Variants in ABR observed in about 807,000 individuals in gnomAD.
The protein encoded by ABR is ABR activator of RhoGEF and GTPase.
Under a neutral mutation model 107.2 loss-of-function variants are expected in ABR, and 35 were observed. The ratio of observed to expected loss-of-function variants is 0.33; its 90% CI spans 0.25 to 0.43. The LOEUF is 0.43. ABR is among the 20% of genes least tolerant of loss of function. The pLI, the probability that ABR is intolerant of heterozygous loss-of-function variation, is 1.00. For missense variants in ABR, 815 were observed against 1,115.2 expected (o/e 0.73, Z 3.83); for synonymous variants, 498 against 462.0 (o/e 1.08, Z -1.00).
At chr17:1,030,826 T>G (rs751739704) in intron 16 of ABR, among the ~76,000 whole-genome samples, 4 of 152,232 alleles carry the variant, frequency 2.6e-5, no homozygotes, top group Non-Finnish European at 5.9e-5. Flanking sequence ...GGACTGGCAC[T>G]CTGAGACAGC....
chr17:1,012,441 G>A lies in ABR; in HGVS notation c.1961+247C>T, dbSNP rs746159794. 12 of 689,388 alleles carry A rather than the reference G, an allele frequency of 1.7e-5. 1 individual carries two copies. The highest frequency in any genetic ancestry group is 8.3e-5 in the East Asian group (3 of 36,194). 42.7% of individuals were successfully genotyped at this position (689,388 alleles called of 1,614,324 possible). A position where few individuals can be genotyped will look rare whatever the true frequency, so the allele number is the denominator to read the frequency against. On this transcript the variant is annotated intron_variant, in intron 18 of 22. Coordinates refer to ENST00000302538, the MANE Select transcript of ABR (RefSeq NM_021962.5). ...GCTGACAGAGCTTCCCGCTTGTTAC[G>A]AGGAGCAGACGATCTGGGATCTCAC...
chr17:1,225,140 C>G (rs1598155894), intron 1 of ABR, among the ~76,000 whole-genome samples: 1 of 131,770 alleles, frequency 7.6e-6, no homozygotes, highest in Non-Finnish European at 1.6e-5. Context: ...CACCGTGAGA[C>G]TCCATCTCAA....
intron 1 of ABR, among the ~76,000 whole-genome samples, chr17:1,134,780 C>A (rs2151479518): frequency 6.6e-6 from 1 of 152,324 alleles, no homozygotes; most frequent in East Asian, 1.9e-4. Context: ...AGAGCAGGGA[C>A]CCTGCGGTCC....
chr17:1,144,077 T>G (rs923164125), intron 1 of ABR, among the ~76,000 whole-genome samples: 3 of 152,060 alleles, frequency 2.0e-5, no homozygotes, highest in Non-Finnish European at 2.9e-5. Flanking sequence ...AGCCACAGAT[T>G]AAAGCTACTC....
At chr17:1,172,950 A>ACCC (rs74213812) in intron 1 of ABR, among the ~76,000 whole-genome samples, 38 of 124,836 alleles carry the variant, frequency 3.0e-4, no homozygotes, top group African/African-American at 1.1e-3. Flanking sequence ...CAGGTAATCC[A>ACCC]CCCCCCCCAT....
At chr17:1,131,128 C>G (rs976006227) in intron 1 of ABR, among the ~76,000 whole-genome samples, 2 of 132,624 alleles carry the variant, frequency 1.5e-5, no homozygotes, top group Non-Finnish European at 3.1e-5. Flanking sequence ...ACGCGCACAG[C>G]TCCCCCCTCT....
chr17:1,203,780 C>G (rs527683082), intron 1 of ABR, among the ~76,000 whole-genome samples: 118 of 152,186 alleles, frequency 7.8e-4, no homozygotes, highest in African/African-American at 2.8e-3. Context: ...CCTCGCGGGG[C>G]GAAGGGGGCT....
chr17:1,220,160 G>A (rs967778935), intron 1 of ABR, among the ~76,000 whole-genome samples: 4 of 151,934 alleles, frequency 2.6e-5, no homozygotes, highest in East Asian at 1.9e-4. Context: ...GCGTGGTGGC[G>A]GGCGCCTGTG....
In ABR at chr17:1,004,942, T is replaced by C; in HGVS notation, c.*1138A>G. The C allele has an allele frequency of 2.5e-6, 1 of 398,704 alleles. No homozygotes were observed. Among genetic ancestry groups the C allele is most frequent in the Non-Finnish European group, 4.4e-6 (1 of 226,000 alleles). The allele number at this position is 398,704 out of a possible 1,614,324, so 24.7% of individuals were successfully genotyped here. A position where few individuals can be genotyped will look rare whatever the true frequency, so the allele number is the denominator to read the frequency against. ...GCAAGAGTACCACGAGGTCCTGCGG[T>C]GCCAGGGAGCTCCTGGCTGCAGCCT... On this transcript the variant is annotated 3_prime_UTR_variant, in exon 23 of 23. Transcript: ENST00000302538.
intron 1 of ABR, among the ~76,000 whole-genome samples, chr17:1,172,326 T>C (rs570373090): frequency 1.1e-4 from 16 of 152,304 alleles, no homozygotes; most frequent in African/African-American, 3.8e-4. Flanking sequence ...ATTGGCCTGA[T>C]TTCTTTCTCC....
chr17:1,132,077 G>C (rs1483248582), intron 1 of ABR, among the ~76,000 whole-genome samples: 1 of 151,920 alleles, frequency 6.6e-6, no homozygotes, highest in Non-Finnish European at 1.5e-5. Flanking sequence ...TCCTTGCTGG[G>C]CGCGGTGGCT....
At chr17:1,074,139 C>T (rs1201432707) in intron 6 of ABR, among the ~76,000 whole-genome samples, 4 of 142,172 alleles carry the variant, frequency 2.8e-5, no homozygotes, top group Admixed American at 7.0e-5. Flanking sequence ...ACCTGCCACA[C>T]GCAGGACCCC....
intron 1 of ABR, among the ~76,000 whole-genome samples, chr17:1,170,572 G>A (rs562098856): frequency 6.6e-6 from 1 of 152,186 alleles, no homozygotes; most frequent in South Asian, 2.1e-4. Context: ...GAGTAGCTGG[G>A]ATTCTAGGTG....
intron 1 of ABR, chr17:1,126,227 G>A (rs2039594078): frequency 6.6e-6 from 1 of 152,504 alleles, no homozygotes; most frequent in South Asian, 2.1e-4. Context: ...AGGGTTACGA[G>A]GGCGGCCTCG....
Position 1,011,947 on chromosome 17 carries a change from C to T in ABR, c.2000G>A (p.Cys667Tyr). ...ACCCCTCTTCTCCACCTCCTCCACA[C>T]ACTGCCGGACGATGTAGGGCACCTT... ...RSKVPYIVRQ[C>Y]VEEVEKRGIE... Residue 667 changes from cysteine (C) to tyrosine (Y), a missense_variant, in exon 19 of 23, where the codon TGT (cysteine) becomes TAT (tyrosine). Around this residue, in one of 5 missense-constraint regions of ABR, gnomAD observed 175 missense variants for 284.3 expected, o/e 0.62. Coordinates refer to ENST00000302538, the MANE Select transcript of ABR (RefSeq NM_021962.5). This position sits in a 1 kb window ranked among gnomAD's most constrained non-coding sequence, Gnocchi z 4.8. 6.2e-6 allele frequency: 10 copies of T among 1,613,730 alleles called. No individual in the cohort carries two copies. Among genetic ancestry groups the T allele is most frequent in the Non-Finnish European group, 8.5e-6 (10 of 1,179,686 alleles).
chr17:1,113,501 G>A (rs2038835025), intron 2 of ABR, among the ~76,000 whole-genome samples: 1 of 151,952 alleles, frequency 6.6e-6, no homozygotes, highest in Non-Finnish European at 1.5e-5. Flanking sequence ...TGGCCAGGCT[G>A]GTCTCGAACC....
chr17:1,109,552 G>C (rs1332607763), intron 2 of ABR, among the ~76,000 whole-genome samples: 1 of 152,056 alleles, frequency 6.6e-6, no homozygotes, highest in East Asian at 1.9e-4. Flanking sequence ...GGCCGGGGTG[G>C]GGTGGAGCGG....
chr17:1,016,583 T>C (rs1359110362), intron 16 of ABR, among the ~76,000 whole-genome samples: 5 of 152,004 alleles, frequency 3.3e-5, no homozygotes, highest in Non-Finnish European at 5.9e-5. Flanking sequence ...CCCAAAGTGC[T>C]GGGATTACAG....
At chr17:1,100,836 T>A (rs2037814937) in intron 2 of ABR, 101 bp from the exon 3 acceptor site, 1 of 1,174,288 alleles carries the variant, frequency 8.5e-7, no homozygotes, top group Non-Finnish European at 1.2e-6. Context: ...CCTTTATTTT[T>A]TTTTTGAGAC....
Sources: gnomAD v4.1 joint callset for allele counts (sites outside exome capture counted in the v4.1 genomes callset) on GRCh38, gnomAD v4.1.1 for gene constraint, gnomAD v4.1.1 regional missense constraint, Gnocchi (gnomAD v3.1) non-coding constraint, MANE v1.5 for transcripts, NCBI Gene and HGNC (gene_info 2026-07-23, HGNC 2026-07-21) for gene names.